The following GSE1 variants were observed in gnomAD, a reference collection of about 807,000 sequenced individuals.
The protein encoded by GSE1 is Gse1 coiled-coil protein.
A neutral mutation model predicts 112.6 loss-of-function variants in GSE1; 32 were observed. The ratio of observed to expected loss-of-function variants is 0.28; its 90% confidence interval spans 0.21 to 0.38. GSE1 has a LOEUF of 0.38. Among genes scored for constraint, GSE1 ranks in the 10% least tolerant of loss-of-function variants. The probability of loss-of-function intolerance (pLI) is 1.00; values close to 1 mark genes in which losing one functional copy is unlikely to be tolerated. For synonymous variants in GSE1, 1,115 were observed against 735.6 expected, an observed-to-expected ratio of 1.52 and a Z score of -8.35; for missense variants, 2,348 against 1,699.2, an observed-to-expected ratio of 1.38 and a Z score of -6.71.
intron 8 of GSE1, among the ~76,000 whole-genome samples, chr16:85,657,951 G>A (rs1196496134): frequency 6.6e-6 from 1 of 152,158 alleles, no homozygotes; most frequent in South Asian, 2.1e-4. Context: ...AATAATACCT[G>A]TTCTCTCCAT....
intron 2 of GSE1, among the ~76,000 whole-genome samples, chr16:85,641,542 T>G (rs930457153): frequency 6.6e-6 from 1 of 152,240 alleles, no homozygotes; most frequent in African/African-American, 2.4e-5. Context: ...GGTCTCCTGC[T>G]TCTCCCTGGA....
intron 1 of GSE1, among the ~76,000 whole-genome samples, chr16:85,294,690 C>T (rs2045320379): frequency 7.0e-6 from 1 of 142,258 alleles, no homozygotes; most frequent in African/African-American, 2.7e-5. Context: ...TCCCTCCCTC[C>T]CCACCCCCCA....
chr16:85,561,673 C>T (rs573614305), intron 1 of GSE1, among the ~76,000 whole-genome samples: 74 of 152,350 alleles, frequency 4.9e-4, no homozygotes, highest in Non-Finnish European at 9.7e-4. Context: ...AACATTTCCC[C>T]GGCCCCAGCT....
rs1391939847 is a variant in GSE1, at chr16:85,663,457, C to G, written c.2487C>G (p.Pro829=). The G allele has an allele frequency of 1.9e-6, 3 of 1,613,752 alleles. No homozygotes were observed. Among genetic ancestry groups the G allele is most frequent in the East Asian group, 2.2e-5 (1 of 44,894 alleles). ...TGCTGCGAGAGAGAAGCCCGTCGCC[C>G]CCAACAATTCAGAGCAAGCGGCAGA... ...RRMLRERSPS[P]PTIQSKRQTP... is the part of the protein sequence containing the mutation. The change falls in exon 11 of 16, where the codon CCC becomes CCG. Residue 829 remains proline, a synonymous_variant. Transcript: ENST00000253458.
intron 2 of GSE1, among the ~76,000 whole-genome samples, chr16:85,464,882 A>G (rs1242915608): frequency 6.6e-6 from 1 of 152,228 alleles, no homozygotes; most frequent in East Asian, 1.9e-4. Flanking sequence ...CCTTGCAGAC[A>G]GAATGGGCCC....
At chr16:85,613,316 A>G (rs1218858922), upstream of GSE1, 5 of 1,549,434 alleles carry the variant, frequency 3.2e-6, no homozygotes, top group East Asian at 9.8e-5. Context: ...CCCGGGTGAG[A>G]TAAGCAGTTT....
In GSE1 at chr16:85,340,947, T is replaced by C. The variant is rs867568432; in HGVS notation, c.2284-16516T>C. On this transcript the variant is annotated intron_variant, in intron 1 of 2. Coordinates refer to the GSE1 transcript ENST00000637419. ...ACGAGTTTCCTCATCTGGAAAATGA[T>C]GATGATAATGGCAGTGTCTACCTCA... Among the ~76,000 whole-genome samples, 3 of 152,324 alleles carry C rather than the reference T, an allele frequency of 2.0e-5. 1 individual carries two copies. Among genetic ancestry groups the C allele is most frequent in the Middle Eastern group, 6.8e-3 (2 of 294 alleles).
chr16:85,343,742 C>G (rs540691604), intron 1 of GSE1, among the ~76,000 whole-genome samples: 3 of 152,198 alleles, frequency 2.0e-5, no homozygotes, highest in Admixed American at 1.3e-4. Flanking sequence ...AAGTGAGATC[C>G]TGACTCAAAA....
intron 1 of GSE1, among the ~76,000 whole-genome samples, chr16:85,225,951 G>T (rs557946083): frequency 6.6e-6 from 1 of 152,182 alleles, no homozygotes; most frequent in African/African-American, 2.4e-5. Flanking sequence ...TCCACTGGCC[G>T]GGTGGCTCTT....
rs531503849 is a variant in GSE1 at position 85,179,139 on chromosome 16, G to T, written c.2283+7332G>T. The stretch of plus-strand genomic sequence containing the variant: ...CCATCACCCCCAAAGGACACCCTGT[G>T]CCCGTCAGGAGTCAATCCCCGTCGC... On this transcript the variant is annotated intron_variant, in intron 1 of 2. Coordinates refer to the GSE1 transcript ENST00000637419. Among the ~76,000 whole-genome samples, 6 of 152,214 alleles carry T rather than the reference G, an allele frequency of 3.9e-5. No individual in the cohort carries two copies. The South Asian group carries it at 1.2e-3, about 32-fold the overall frequency.
intron 1 of GSE1, among the ~76,000 whole-genome samples, chr16:85,178,352 A>G (rs80243111): frequency 0.019 from 2,890 of 152,138 alleles, 50 homozygotes; most frequent in Non-Finnish European, 0.032. Flanking sequence ...GTCATTCTGC[A>G]TGGAGCCAGA....
intron 1 of GSE1, among the ~76,000 whole-genome samples, chr16:85,187,179 C>T (rs943020740): frequency 1.3e-5 from 2 of 152,222 alleles, no homozygotes; most frequent in Admixed American, 6.5e-5. Context: ...TGTCCAGGTG[C>T]CTGGAGCTTG....
intron 1 of GSE1, among the ~76,000 whole-genome samples, chr16:85,332,430 G>A (rs1378073642): frequency 6.6e-6 from 1 of 152,206 alleles, no homozygotes; most frequent in Non-Finnish European, 1.5e-5. Context: ...CAGGACTAAT[G>A]TCCCCACTTT....
At position 85,170,853 on chromosome 16, in the gene GSE1, C is replaced by G. The variant is rs567209817; in HGVS notation, c.1329C>G (p.Val443=). Residue 443 remains valine (V), a synonymous_variant, in exon 1 of 3, where the codon GTC becomes GTG. Transcript: ENST00000637419. ...GCTTCGAGCTGGCCAACGTGCCAGT[C>G]CTGCAGCGACTCTATGTGGTGCCCC... 5 of 985,606 alleles carry G rather than the reference C, an allele frequency of 5.1e-6. No individual in the cohort carries two copies. The South Asian group carries it at 2.3e-4, about 46-fold the overall frequency. 61.1% of individuals were successfully genotyped at this position (985,606 alleles called of 1,614,324 possible). A position where few individuals can be genotyped will look rare whatever the true frequency, so the allele number is the denominator to read the frequency against.
Position 85,666,291 on chromosome 16 carries a change from A to G in GSE1, c.3074A>G (p.His1025Arg). The change falls in exon 13 of 16, where the codon CAT becomes CGT. Residue 1025 changes from histidine to arginine, a missense_variant. Physicochemically the swap from His to Arg is conservative, Grantham distance 29. Transcript: ENST00000253458. The stretch of plus-strand genomic sequence containing the variant: ...CCCTTTGTGGCAGAAGAGTTTGCAC[A>G]TCAGTTCCACGAGTCAGTGCTGCAG... ...WEPFVAEEFA[H>R]QFHESVLQST... is the part of the protein sequence containing the mutation. 1 of 1,613,896 alleles carries G rather than the reference A, an allele frequency of 6.2e-7. No individual in the cohort carries two copies. The highest frequency in any genetic ancestry group is 8.5e-7 in the Non-Finnish European group (1 of 1,180,018).
chr16:85,284,662 A>C (rs2044962916), intron 1 of GSE1, among the ~76,000 whole-genome samples: 2 of 152,122 alleles, frequency 1.3e-5, no homozygotes, highest in Admixed American at 6.5e-5. Context: ...CTGCTGGGAG[A>C]GTCGTGGTCC....
chr16:85,260,165 G>C (rs1246451138), intron 1 of GSE1, among the ~76,000 whole-genome samples: 1 of 152,162 alleles, frequency 6.6e-6, no homozygotes, highest in Non-Finnish European at 1.5e-5. Flanking sequence ...TCCAGACTGG[G>C]GCTCACGGCA....
At chr16:85,295,466 G>A (rs1479712092) in intron 1 of GSE1, among the ~76,000 whole-genome samples, 1 of 152,228 alleles carries the variant, frequency 6.6e-6, no homozygotes, top group Admixed American at 6.5e-5. Context: ...CCCATCCACC[G>A]CCGATGGCCG....
intron 2 of GSE1, among the ~76,000 whole-genome samples, chr16:85,525,594 G>T (rs1358420467): frequency 2.0e-5 from 3 of 152,212 alleles, no homozygotes; most frequent in African/African-American, 7.2e-5. Context: ...CTGCCCACAT[G>T]CCTGAGGACC....
Sources: allele counts gnomAD v4.1 joint callset (sites outside exome capture counted in the v4.1 genomes callset), GRCh38; gene constraint gnomAD v4.1.1; transcripts MANE v1.5; gene names NCBI Gene and HGNC (gene_info 2026-07-23, HGNC 2026-07-21).